The following RAB3C variants were observed in gnomAD, a reference collection of about 807,000 sequenced individuals.
RAB3C encodes ras-related protein Rab-3C.
RAB3C carries 17 observed loss-of-function variants against 26.4 expected under a neutral mutation model. That is an observed-to-expected ratio of 0.64 (90% CI 0.44 to 0.97). The LOEUF is 0.97. Among genes scored for constraint, RAB3C ranks in the 50% least tolerant of loss-of-function variants. The pLI is 0.00. For synonymous variants in RAB3C, 91 were observed against 95.9 expected (o/e 0.95, Z 0.30); for missense variants, 242 against 281.9 (o/e 0.86, Z 1.01).
chr5:58,827,074 CCATCT>C (rs1330869973), intron 4 of RAB3C, among the ~76,000 whole-genome samples: 4 of 152,208 alleles, frequency 2.6e-5, no homozygotes, highest in African/African-American at 9.6e-5. Context: ...TTTGAAGTTA[CCATCT>C]CTGCCACAGG....
chr5:58,849,122 C>G (rs1034376457), intron 4 of RAB3C, among the ~76,000 whole-genome samples: 6 of 152,154 alleles, frequency 3.9e-5, no homozygotes. Flanking sequence ...TGTGGATTAT[C>G]ATCTTTTCAT....
intron 3 of RAB3C, among the ~76,000 whole-genome samples, chr5:58,752,089 A>G (rs867776959): frequency 2.0e-5 from 3 of 152,118 alleles, no homozygotes; most frequent in Non-Finnish European, 2.9e-5. Flanking sequence ...TTTAACTTAT[A>G]CTATGGCACA....
chr5:58,710,634 AT>A (rs1467589031), intron 2 of RAB3C, among the ~76,000 whole-genome samples: 1 of 149,042 alleles, frequency 6.7e-6, no homozygotes, highest in African/African-American at 2.5e-5. Flanking sequence ...AAATAAATAA[AT>A]AAATAAATAG....
In RAB3C at chr5:58,623,390, A is replaced by T. The variant is rs1746975373; in HGVS notation, c.252+5520A>T. Among the ~76,000 whole-genome samples the T allele has an allele frequency of 2.6e-5, 4 of 152,236 alleles. No individual in the cohort carries two copies. The South Asian group carries it at 8.3e-4, about 32-fold the overall frequency. On this transcript the variant is annotated intron_variant, in intron 2 of 4. Coordinates refer to ENST00000282878, the MANE Select transcript of RAB3C (RefSeq NM_138453.4). ...TCCTCTGGTCTATTTATAAGGAAAC[A>T]ACACTTTCTGCCCAGGCAAGCTTCT...
Position 58,770,395 on chromosome 5 carries a change from T to C in RAB3C, c.371+44275T>C, listed in dbSNP as rs1422227. On this transcript the variant is annotated intron_variant, in intron 3 of 4. Coordinates refer to ENST00000282878, the MANE Select transcript of RAB3C (RefSeq NM_138453.4). The stretch of plus-strand genomic sequence containing the variant: ...TGGTTTTTCAGGCTTGATGCAAGCC[T>C]GAGTCCAGTTCGGGTTTTCCTTGAG... Among the ~76,000 whole-genome samples the C allele has an allele frequency of 5.5e-3, 839 of 152,268 alleles. 13 individuals are homozygous for C. The highest frequency in any genetic ancestry group is 0.019 in the African/African-American group (793 of 41,550).
intron 3 of RAB3C, among the ~76,000 whole-genome samples, chr5:58,726,535 A>G (rs540173889): frequency 6.6e-6 from 1 of 151,862 alleles, no homozygotes; most frequent in Non-Finnish European, 1.5e-5. Context: ...CACTCCCCTC[A>G]CTGTTGTCTT....
chr5:58,635,394 A>T (rs1747268144), intron 2 of RAB3C, among the ~76,000 whole-genome samples: 1 of 152,218 alleles, frequency 6.6e-6, no homozygotes, highest in South Asian at 2.1e-4. Flanking sequence ...GTAAAGAAAG[A>T]AAGCAGTGAA....
At chr5:58,755,249 T>A (rs1741630403) in intron 3 of RAB3C, among the ~76,000 whole-genome samples, 1 of 152,226 alleles carries the variant, frequency 6.6e-6, no homozygotes, top group Non-Finnish European at 1.5e-5. Context: ...CCTTTTGATG[T>A]CCTGATTCAA....
chr5:58,596,312 T>C (rs1485749200), intron 1 of RAB3C, among the ~76,000 whole-genome samples: 1 of 151,572 alleles, frequency 6.6e-6, no homozygotes, highest in Non-Finnish European at 1.5e-5. Context: ...CTTTCTCAAG[T>C]CTATTCACTT....
At chr5:58,738,918 AG>A (rs1360092848) in intron 3 of RAB3C, among the ~76,000 whole-genome samples, 1 of 152,072 alleles carries the variant, frequency 6.6e-6, no homozygotes, top group Non-Finnish European at 1.5e-5. Flanking sequence ...CTTGCCTTTG[AG>A]GGTAGATTTG....
chr5:58,669,574 G>A (rs1032370562), intron 2 of RAB3C, among the ~76,000 whole-genome samples: 8 of 152,206 alleles, frequency 5.3e-5, no homozygotes, highest in South Asian at 2.1e-4. Flanking sequence ...ACAGAAGGCA[G>A]TAGTTTAGGT....
At chr5:58,641,343 G>C (rs1444136070) in intron 2 of RAB3C, among the ~76,000 whole-genome samples, 1 of 151,368 alleles carries the variant, frequency 6.6e-6, no homozygotes, top group Non-Finnish European at 1.5e-5. Flanking sequence ...GAGAAAACAA[G>C]AGAGTGCACA....
intron 3 of RAB3C, among the ~76,000 whole-genome samples, chr5:58,824,439 G>A (rs1743427186): frequency 6.6e-6 from 1 of 152,088 alleles, no homozygotes; most frequent in African/African-American, 2.4e-5. Flanking sequence ...TTATAATTTT[G>A]ACATTAATCA....
chr5:58,667,173 T>A (rs1748019889), intron 2 of RAB3C, among the ~76,000 whole-genome samples: 3 of 152,116 alleles, frequency 2.0e-5, no homozygotes, highest in Admixed American at 1.3e-4. Flanking sequence ...ACACTAACAA[T>A]GGGGGTAGGC....
intron 2 of RAB3C, among the ~76,000 whole-genome samples, chr5:58,693,322 T>TTTTATATATATATA (rs1748610571): frequency 1.3e-5 from 1 of 75,238 alleles, no homozygotes; most frequent in African/African-American, 6.7e-5. Context: ...AATTAAGAAA[T>TTTTATATATATATA]TATATATATA....
intron 2 of RAB3C, among the ~76,000 whole-genome samples, chr5:58,635,679 T>C (rs1308202546): frequency 6.6e-6 from 1 of 152,198 alleles, no homozygotes; most frequent in African/African-American, 2.4e-5. Flanking sequence ...GGCTGTGCTC[T>C]AGAGCATACT....
intron 4 of RAB3C, among the ~76,000 whole-genome samples, chr5:58,828,900 G>C (rs1878197): frequency 0.037 from 5,074 of 138,004 alleles, 153 homozygotes; most frequent in Non-Finnish European, 0.058. Flanking sequence ...ATTTTACCAT[G>C]CTTTTTTTTT....
At chr5:58,806,514 A>G (rs1479899466) in intron 3 of RAB3C, among the ~76,000 whole-genome samples, 1 of 152,198 alleles carries the variant, frequency 6.6e-6, no homozygotes, top group Non-Finnish European at 1.5e-5. Flanking sequence ...CTCCCTGGAT[A>G]CGTGATTATT....
chr5:58,836,703 G>T (rs1254009873), intron 4 of RAB3C, among the ~76,000 whole-genome samples: 4 of 152,050 alleles, frequency 2.6e-5, no homozygotes, highest in Admixed American at 2.0e-4. Flanking sequence ...ATATTGCTGT[G>T]AATGACAGGC....
Sources: allele counts gnomAD v4.1 joint callset (sites outside exome capture counted in the v4.1 genomes callset), GRCh38; gene constraint gnomAD v4.1.1; transcripts MANE v1.5; gene names NCBI Gene and HGNC (gene_info 2026-07-23, HGNC 2026-07-21).